PCNX4: variants seen among roughly 807,000 people sequenced by gnomAD.
PCNX4 encodes pecanex 4.
PCNX4 carries 103 observed loss-of-function variants against 107.2 expected under a neutral mutation model. The ratio of observed to expected loss-of-function variants is 0.96; its 90% CI spans 0.82 to 1.13. The LOEUF (loss-of-function observed/expected upper bound fraction) is 1.13. PCNX4 is among the 50% of genes most tolerant of loss of function. PCNX4 has a pLI of 0.00. For missense variants in PCNX4, 1,528 were observed against 1,379.4 expected (o/e 1.11, Z -1.71); for synonymous variants, 541 against 481.7 (o/e 1.12, Z -1.61).
At position 60,115,923 on chromosome 14, in the gene PCNX4, A is replaced by G. The variant is rs1449759911; in HGVS notation, c.1459-18A>G. ...ATCTAATTCTACCTGATAAAAATGGATAATTTGTATACTGCAGGTATGGCA... is the reference window on the plus strand; with the variant it reads ...ATCTAATTCTACCTGATAAAAATGGGTAATTTGTATACTGCAGGTATGGCA... On this transcript the variant is annotated intron_variant, in intron 5 of 10. Transcript: ENST00000406854. 2 of 1,600,736 alleles carry G rather than the reference A, an allele frequency of 1.2e-6. No individual in the cohort carries two copies. Among genetic ancestry groups the G allele is most frequent in the Non-Finnish European group, 1.7e-6 (2 of 1,173,006 alleles).
intron 4 of PCNX4, 123 bp from the exon 5 acceptor site, chr14:60,115,596 T>C: frequency 7.4e-7 from 1 of 1,351,684 alleles, no homozygotes; most frequent in Non-Finnish European, 1.0e-6. Flanking sequence ...TGGTTTTTTG[T>C]TTATTGGCTT....
At chr14:60,121,161 C>CTTTTTTTTTTTTTTTTTTTTTTTATTTTT in intron 7 of PCNX4, 35 bp from the exon 8 acceptor site, 1 of 1,101,176 alleles carries the variant, frequency 9.1e-7, no homozygotes, top group Admixed American at 3.4e-5. Flanking sequence ...AAATGATTTT[C>CTTTTTTTTTTTTTTTTTTTTTTTATTTTT]TTTTTTTTTT....
At position 60,115,823 on chromosome 14, in the gene PCNX4, A is replaced by G. The variant is rs1359753467; in HGVS notation, c.1458+4A>G. On this transcript the variant is annotated splice_donor_region_variant and intron_variant, in intron 5 of 10. Coordinates refer to ENST00000406854, the MANE Select transcript of PCNX4 (RefSeq NM_001330177.2). ...ATTCACAAGAGCCTTTAGAATGGTA[A>G]TCCTAATATGTGTTTAATAGTATTT... The G allele has an allele frequency of 6.2e-7, 1 of 1,607,872 alleles. No individual in the cohort carries two copies. The highest frequency in any genetic ancestry group is 8.5e-7 in the Non-Finnish European group (1 of 1,175,086).
In PCNX4 at chr14:60,117,497, A is replaced by G. The variant is rs374123025; in HGVS notation, c.1579-832A>G. 5.6e-4 allele frequency among the ~76,000 whole-genome samples: 85 copies of G among 152,240 alleles called. 2 individuals are homozygous for G. The East Asian group carries it at 7.7e-3, about 14-fold the overall frequency. On this transcript the variant is annotated intron_variant, in intron 6 of 10. Transcript: ENST00000406854. ...ATGTACGCTCTATAATATTCACTCA[A>G]TGATGAGTCTCGTTATTAGTGAACA...
intron 1 of PCNX4, 82 bp downstream of exon 1, chr14:60,092,501 A>G (rs1344231674): frequency 6.6e-6 from 1 of 152,254 alleles, no homozygotes; most frequent in Admixed American, 6.5e-5. Flanking sequence ...AAGTTGTTCT[A>G]GGGGCTTTCA....
At chr14:60,122,098 A>T (rs1895966418) in intron 8 of PCNX4, among the ~76,000 whole-genome samples, 1 of 152,106 alleles carries the variant, frequency 6.6e-6, no homozygotes, top group Admixed American at 6.6e-5. Context: ...CAGTCCGACA[A>T]GAAATCCTAT....
chr14:60,142,486 C>T lies in PCNX4; in HGVS notation c.*8265C>T, dbSNP rs1353169405. Reference sequence around the variant, plus strand: ...ACCATTTTCTTCCTACTTAAAAGTCCACTCAGGATAATGATTAAGAAATAC... The same window carrying T: ...ACCATTTTCTTCCTACTTAAAAGTCTACTCAGGATAATGATTAAGAAATAC... On this transcript the variant is annotated 3_prime_UTR_variant, in exon 11 of 11. Coordinates refer to ENST00000406854, the MANE Select transcript of PCNX4 (RefSeq NM_001330177.2). This position sits in a 1 kb window ranked among gnomAD's most constrained non-coding sequence, Gnocchi z 4.7. 1 of 152,122 alleles carries T rather than the reference C, an allele frequency of 6.6e-6. No individual in the cohort carries two copies. Among genetic ancestry groups the T allele is most frequent in the Non-Finnish European group, 1.5e-5 (1 of 68,024 alleles). 9.4% of individuals were successfully genotyped at this position (152,122 alleles called of 1,614,324 possible). A position where few individuals can be genotyped will look rare whatever the true frequency, so the allele number is the denominator to read the frequency against.
At chr14:60,124,107 T>G in intron 8 of PCNX4, 111 bp from the exon 9 acceptor site, 2 of 884,070 alleles carry the variant, frequency 2.3e-6, no homozygotes, top group Non-Finnish European at 1.6e-6. Flanking sequence ...AAATTGTTTT[T>G]GTCATTTTCC....
intron 10 of PCNX4, among the ~76,000 whole-genome samples, chr14:60,128,804 T>C (rs1026125864): frequency 6.6e-5 from 10 of 152,228 alleles, no homozygotes; most frequent in African/African-American, 2.4e-4. Context: ...TGCTAATAAT[T>C]GCACAAAGGA....
chr14:60,109,530 T>G (rs576943676), intron 2 of PCNX4: 4 of 162,358 alleles, frequency 2.5e-5, no homozygotes, highest in Non-Finnish European at 5.9e-5. Flanking sequence ...AACGTCCGCC[T>G]CCTGGCTTCA....
intron 1 of PCNX4, among the ~76,000 whole-genome samples, chr14:60,106,657 G>C (rs1018897356): frequency 1.3e-5 from 2 of 152,200 alleles, no homozygotes; most frequent in Admixed American, 6.5e-5. Context: ...ATTCTTAAAG[G>C]TGACCCCCAA....
intron 2 of PCNX4, chr14:60,109,428 TTTTG>T (rs1895692996): frequency 6.0e-6 from 1 of 167,226 alleles, no homozygotes; most frequent in South Asian, 2.1e-4. Flanking sequence ...AAAGAGGTTT[TTTTG>T]TTTGTTTCTT....
At chr14:60,123,045 A>T (rs1382736360) in intron 8 of PCNX4, among the ~76,000 whole-genome samples, 1 of 152,128 alleles carries the variant, frequency 6.6e-6, no homozygotes, top group Non-Finnish European at 1.5e-5. Context: ...CAGCGCTCCG[A>T]GTGATGCTGA....
intron 1 of PCNX4, among the ~76,000 whole-genome samples, 198 bp from the exon 2 acceptor site, chr14:60,107,388 A>C (rs931464935): frequency 6.6e-6 from 1 of 152,146 alleles, no homozygotes; most frequent in African/African-American, 2.4e-5. Flanking sequence ...CAAAAAATAA[A>C]ATAACTGAGC....
rs150940271 is a variant in PCNX4, at chr14:60,092,966, G to A, written c.-54+547G>A. Reference sequence around the variant, plus strand: ...TACTCATTTTTTACTATTTTTAGGTGTTTGTTTTCTTCATTAAATCATTCC... The same window carrying A: ...TACTCATTTTTTACTATTTTTAGGTATTTGTTTTCTTCATTAAATCATTCC... On this transcript the variant is annotated intron_variant, in intron 1 of 10. Transcript: ENST00000406854. Among the ~76,000 whole-genome samples the A allele has an allele frequency of 1.6e-3, 241 of 152,282 alleles. 2 individuals are homozygous for A. Among genetic ancestry groups the A allele is most frequent in the African/African-American group, 5.1e-3 (211 of 41,558 alleles).
intron 9 of PCNX4, 44 bp from the exon 10 acceptor site, chr14:60,125,593 G>T: frequency 7.7e-7 from 1 of 1,298,488 alleles, no homozygotes; most frequent in South Asian, 1.9e-5. Flanking sequence ...CTTTAAAGTT[G>T]ACAGCAAATA....
At chr14:60,129,080 G>T (rs1896107331) in intron 10 of PCNX4, among the ~76,000 whole-genome samples, 1 of 151,962 alleles carries the variant, frequency 6.6e-6, no homozygotes, top group African/African-American at 2.4e-5. Flanking sequence ...GCTGGGTGTG[G>T]TGGTGGGTGC....
At chr14:60,107,552 C>A in intron 1 of PCNX4, 34 bp from the exon 2 acceptor site, 2 of 1,177,042 alleles carry the variant, frequency 1.7e-6, no homozygotes, top group South Asian at 1.6e-5. Context: ...ATGACATTTT[C>A]AAACAGTGAC....
intron 10 of PCNX4, among the ~76,000 whole-genome samples, chr14:60,129,206 C>T (rs1896109944): frequency 6.6e-6 from 1 of 150,666 alleles, no homozygotes; most frequent in Non-Finnish European, 1.5e-5. Flanking sequence ...CACCACTGCA[C>T]TCCAGCCTGG....
Sources: allele counts gnomAD v4.1 joint callset (sites outside exome capture counted in the v4.1 genomes callset), GRCh38; gene constraint gnomAD v4.1.1; non-coding constraint Gnocchi (gnomAD v3.1); transcripts MANE v1.5; gene names NCBI Gene and HGNC (gene_info 2026-07-23, HGNC 2026-07-21).